The following SGCD variants were observed in gnomAD, a reference collection of about 807,000 sequenced individuals.
The protein encoded by SGCD is sarcoglycan delta.
SGCD carries 18 observed loss-of-function variants against 36.6 expected under a neutral mutation model. The ratio of observed to expected loss-of-function variants is 0.49; its 90% CI spans 0.34 to 0.73. The LOEUF (loss-of-function observed/expected upper bound fraction) is 0.73. Among genes scored for constraint, SGCD ranks in the 30% least tolerant of loss-of-function variants. The pLI, the probability that SGCD is intolerant of heterozygous loss-of-function variation, is 0.01. For synonymous variants in SGCD, 133 were observed against 130.6 expected, an observed-to-expected ratio of 1.02 and a Z score of -0.12; for missense variants, 387 against 346.7, an observed-to-expected ratio of 1.12 and a Z score of -0.92.
intron 6 of SGCD, among the ~76,000 whole-genome samples, chr5:156,630,362 T>C (rs953138133): frequency 6.6e-6 from 1 of 152,104 alleles, no homozygotes; most frequent in African/African-American, 2.4e-5. Context: ...GATGGACAAA[T>C]GGATAGATGG....
intron 3 of SGCD, among the ~76,000 whole-genome samples, chr5:156,495,692 G>T (rs1401317232): frequency 6.6e-6 from 1 of 152,152 alleles, no homozygotes; most frequent in Non-Finnish European, 1.5e-5. Context: ...TGAACACTTG[G>T]CATAGGCCTA....
At chr5:156,327,289 T>C (rs1767857058) in intron 1 of SGCD, 57 bp downstream of exon 1, 1 of 152,326 alleles carries the variant, frequency 6.6e-6, no homozygotes, top group South Asian at 2.1e-4. Context: ...CTAAGCTATC[T>C]GCCTGCTGTA....
chr5:156,640,250 T>C (rs1762979977), intron 6 of SGCD, among the ~76,000 whole-genome samples: 3 of 152,170 alleles, frequency 2.0e-5, no homozygotes, highest in South Asian at 2.1e-4. Context: ...TTATGTACTA[T>C]GTGAAGTGTG....
the SGCD span, among the ~76,000 whole-genome samples, chr5:155,817,354 G>A: frequency 1.3e-5 from 2 of 151,314 alleles, no homozygotes; most frequent in South Asian, 4.2e-4. Context: ...TCTGATATTA[G>A]GGTCCTGCAA....
chr5:156,745,681 A>C (rs1324008415), intron 7 of SGCD, among the ~76,000 whole-genome samples: 1 of 152,212 alleles, frequency 6.6e-6, no homozygotes, highest in Non-Finnish European at 1.5e-5. Context: ...TATGCATAAA[A>C]AAACACAGGA....
At chr5:155,992,693 T>A (rs962716535) in intron 1 of SGCD, among the ~76,000 whole-genome samples, 4 of 152,162 alleles carry the variant, frequency 2.6e-5, no homozygotes, top group Non-Finnish European at 5.9e-5. Flanking sequence ...AACAACCAGT[T>A]TACTATGCTC....
At chr5:155,874,668 CATT>C (rs1755728800) in intron 1 of SGCD, among the ~76,000 whole-genome samples, 1 of 152,048 alleles carries the variant, frequency 6.6e-6, no homozygotes, top group African/African-American at 2.4e-5. Context: ...TGCTCAATGT[CATT>C]AGTCACCGGG....
At chr5:156,160,663 G>A (rs1210493927) in intron 3 of SGCD, among the ~76,000 whole-genome samples, 1 of 151,610 alleles carries the variant, frequency 6.6e-6, no homozygotes, top group Non-Finnish European at 1.5e-5. Flanking sequence ...GCCCTCTATA[G>A]CATTTACGCC....
At chr5:156,474,258 C>T (rs1002383086) in intron 3 of SGCD, among the ~76,000 whole-genome samples, 1 of 152,150 alleles carries the variant, frequency 6.6e-6, no homozygotes, top group Non-Finnish European at 1.5e-5. Flanking sequence ...GATGGAAAAA[C>T]TGTAGGATAG....
the SGCD span, among the ~76,000 whole-genome samples, chr5:155,740,395 T>A: frequency 5.9e-5 from 9 of 152,180 alleles, no homozygotes; most frequent in East Asian, 5.8e-4. Context: ...AATGTTTTCC[T>A]TGCATTTATT....
At position 156,049,540 on chromosome 5, in the gene SGCD, G is replaced by A. The variant is rs970258108; in HGVS notation, c.-281-68338G>A. ...TAGTTCTCCTTGAAGAGCACTAAAC[G>A]TGGAAAGGAACAACCAGTACCAGCC... On this transcript the variant is annotated intron_variant, in intron 1 of 9. Coordinates refer to the SGCD transcript ENST00000517913. 7.5e-5 allele frequency among the ~76,000 whole-genome samples: 11 copies of A among 145,752 alleles called. 2 individuals are homozygous for A. Among genetic ancestry groups the A allele is most frequent in the Admixed American group, 1.4e-4 (2 of 14,528 alleles).
intron 4 of SGCD, among the ~76,000 whole-genome samples, chr5:156,534,434 A>C (rs1350271179): frequency 6.6e-6 from 1 of 152,010 alleles, no homozygotes; most frequent in East Asian, 1.9e-4. Flanking sequence ...CTGATTCTTT[A>C]TACTCTATTC....
At chr5:156,572,850 T>C (rs934851300) in intron 4 of SGCD, among the ~76,000 whole-genome samples, 16 of 152,154 alleles carry the variant, frequency 1.1e-4, no homozygotes, top group African/African-American at 3.9e-4. Context: ...ATATATGTGC[T>C]TTTCCTGTGA....
intron 3 of SGCD, among the ~76,000 whole-genome samples, chr5:156,202,071 G>C (rs372422324): frequency 6.6e-6 from 1 of 152,120 alleles, no homozygotes; most frequent in African/African-American, 2.4e-5. Flanking sequence ...GTCATTCCCA[G>C]AACTCTCATT....
At chr5:156,427,171 A>G (rs1319909282) in intron 3 of SGCD, among the ~76,000 whole-genome samples, 5 of 152,176 alleles carry the variant, frequency 3.3e-5, no homozygotes, top group Non-Finnish European at 7.4e-5. Context: ...CTACCCATCC[A>G]TTAGCATAGA....
intron 1 of SGCD, among the ~76,000 whole-genome samples, chr5:155,970,019 TA>T (rs1408261834): frequency 6.6e-6 from 1 of 150,986 alleles, no homozygotes; most frequent in Non-Finnish European, 1.5e-5. Flanking sequence ...ACAGGACACA[TA>T]CACACACACA....
At chr5:155,787,403 G>A in the SGCD span, among the ~76,000 whole-genome samples, 182 of 152,164 alleles carry the variant, frequency 1.2e-3, no homozygotes, top group African/African-American at 4.1e-3. Flanking sequence ...ACTATAAATC[G>A]CATATTATTG....
rs11744154 is a variant in SGCD at position 156,329,289 on chromosome 5, A to G, written c.-43-245A>G. On this transcript the variant is annotated intron_variant, in intron 1 of 8. Transcript: ENST00000337851. ...CAGGAATGAAACACATGTATTAGAA[A>G]TAGCCAAAGCCACCAGGCACTGATT... Among the ~76,000 whole-genome samples, 64,464 of 151,994 alleles carry G rather than the reference A, an allele frequency of 0.42. 14,057 individuals carry two copies. The highest frequency in any genetic ancestry group is 0.78 in the East Asian group (4,037 of 5,156).
intron 3 of SGCD, among the ~76,000 whole-genome samples, chr5:156,234,496 C>T (rs552913189): frequency 6.6e-6 from 1 of 152,226 alleles, no homozygotes; most frequent in Admixed American, 6.5e-5. Flanking sequence ...GCATGTGCCA[C>T]ACAGTTTAAA....
Sources: allele counts gnomAD v4.1 joint callset (sites outside exome capture counted in the v4.1 genomes callset), GRCh38; gene constraint gnomAD v4.1.1; transcripts MANE v1.5; gene names NCBI Gene and HGNC (gene_info 2026-07-23, HGNC 2026-07-21).